The following RNF144A variants were observed in gnomAD, a reference collection of about 807,000 sequenced individuals.
RNF144A encodes E3 ubiquitin-protein ligase RNF144A.
RNF144A carries 11 observed loss-of-function variants against 38.7 expected under a neutral mutation model. The ratio of observed to expected loss-of-function variants is 0.28; its 90% CI spans 0.18 to 0.47. The LOEUF (loss-of-function observed/expected upper bound fraction) is 0.47. Among genes scored for constraint, RNF144A ranks in the 20% least tolerant of loss-of-function variants. The pLI, the probability that RNF144A is intolerant of heterozygous loss-of-function variation, is 0.99. For synonymous variants in RNF144A, 149 were observed against 143.9 expected, an observed-to-expected ratio of 1.04 and a Z score of -0.25; for missense variants, 316 against 377.2, an observed-to-expected ratio of 0.84 and a Z score of 1.34.
At chr2:7,074,883 G>A in the RNF144A span, among the ~76,000 whole-genome samples, 12,288 of 152,228 alleles carry the variant, frequency 0.081, 982 homozygotes, top group East Asian at 0.42. Context: ...TTATTTGAAC[G>A]AGATGGGATT....
At chr2:6,990,316 C>T (rs1277839583) in intron 2 of RNF144A, among the ~76,000 whole-genome samples, 12 of 151,074 alleles carry the variant, frequency 7.9e-5, no homozygotes, top group Non-Finnish European at 1.2e-4. Context: ...TATTGGATTA[C>T]GGTCCCACCC....
At chr2:7,068,416 A>G, downstream of RNF144A, 1 of 419,378 alleles carries the variant, frequency 2.4e-6, no homozygotes, top group Non-Finnish European at 4.5e-6. Context: ...AGAAAGAAGA[A>G]TCAAGAGTGG....
downstream of RNF144A, among the ~76,000 whole-genome samples, chr2:7,068,865 A>T (rs1674344866): frequency 6.6e-6 from 1 of 152,168 alleles, no homozygotes; most frequent in African/African-American, 2.4e-5. Context: ...ATTGTCCCAT[A>T]TGCTGAAGTC....
chr2:7,014,749 A>T lies in RNF144A; in HGVS notation c.278A>T (p.Tyr93Phe), dbSNP rs370574223. Reference sequence around the variant, plus strand: ...GTTGCAGCTGAAATTATGCAAAGATATAAAAAGCTACAATTTGAAAGAGGT... The same window carrying T: ...GTTGCAGCTGAAATTATGCAAAGATTTAAAAAGCTACAATTTGAAAGAGGT... ...CMVAAEIMQRYKKLQFEREVL... is the reference protein window; with the variant it reads ...CMVAAEIMQRFKKLQFEREVL... The change falls in exon 5 of 9, where the codon TAT becomes TTT. Residue 93 changes from tyrosine to phenylalanine, a missense_variant. By Grantham distance (22) the Tyr-to-Phe change is conservative. Coordinates refer to ENST00000320892, the MANE Select transcript of RNF144A (RefSeq NM_014746.6). 15 of 1,613,204 alleles carry T rather than the reference A, an allele frequency of 9.3e-6. No individual in the cohort carries two copies. Among genetic ancestry groups the T allele is most frequent in the Non-Finnish European group, 1.3e-5 (15 of 1,179,316 alleles).
In RNF144A at chr2:7,041,571, T is replaced by C. The variant is rs1183134651; in HGVS notation, c.*1811T>C. ...GTGGTGCTGTGATGGTGTCTACTGT[T>C]AGAATAGCTTTTCTGGAGGTGGGTG... On this transcript the variant is annotated 3_prime_UTR_variant, in exon 9 of 9. Transcript: ENST00000320892. 1.0e-6 allele frequency: 1 copy of C among 985,946 alleles called. No individual in the cohort carries two copies. Among genetic ancestry groups the C allele is most frequent in the East Asian group, 1.1e-4 (1 of 8,830 alleles). The allele number at this position is 985,946 out of a possible 1,614,324, so 61.1% of individuals were successfully genotyped here. A position where few individuals can be genotyped will look rare whatever the true frequency, so the allele number is the denominator to read the frequency against.
rs181070823 is a variant in RNF144A, at chr2:6,943,888, G to A, written c.-12+2741G>A. Among the ~76,000 whole-genome samples, 21 of 152,234 alleles carry A rather than the reference G, an allele frequency of 1.4e-4. No individual in the cohort carries two copies. The highest frequency in any genetic ancestry group is 4.6e-4 in the African/African-American group (19 of 41,530). ...CTCTAGAGAGATGGAGGTGCAGAGC[G>A]GTCACCTGAAGCATTCACAGCCCAC... is the stretch of plus-strand genomic sequence containing the variant. On this transcript the variant is annotated intron_variant, in intron 2 of 8. Coordinates refer to ENST00000320892, the MANE Select transcript of RNF144A (RefSeq NM_014746.6). This position sits in a 1 kb window ranked among gnomAD's most constrained non-coding sequence, Gnocchi z 4.3.
chr2:6,972,876 G>T (rs1211476134), intron 2 of RNF144A, among the ~76,000 whole-genome samples: 1 of 152,152 alleles, frequency 6.6e-6, no homozygotes, highest in Non-Finnish European at 1.5e-5. Flanking sequence ...TAACAGTGGG[G>T]GTAATAGTTA....
At chr2:7,016,357 G>A (rs1039979997) in intron 5 of RNF144A, among the ~76,000 whole-genome samples, 10 of 152,104 alleles carry the variant, frequency 6.6e-5, no homozygotes, top group Admixed American at 6.5e-5. Context: ...ATATTTTCCA[G>A]AGAGAATCTT....
At chr2:7,057,271 T>C (rs2103477070) in intron 6 of RNF144A, among the ~76,000 whole-genome samples, 1 of 152,344 alleles carries the variant, frequency 6.6e-6, no homozygotes, top group South Asian at 2.1e-4. Context: ...CTAAGTAAAG[T>C]CTAGCCCAGC....
intron 2 of RNF144A, among the ~76,000 whole-genome samples, chr2:6,994,076 A>C (rs1039196440): frequency 6.6e-6 from 1 of 152,120 alleles, no homozygotes; most frequent in African/African-American, 2.4e-5. Context: ...CAAGTGGCCA[A>C]AAAAAAGGAA....
chr2:7,036,160 C>T (rs1672664473), intron 8 of RNF144A, among the ~76,000 whole-genome samples: 1 of 152,170 alleles, frequency 6.6e-6, no homozygotes, highest in African/African-American at 2.4e-5. Context: ...CTTTTTCCAG[C>T]GCTATCCCAG....
At chr2:6,922,962 G>A (rs758359850) in intron 1 of RNF144A, among the ~76,000 whole-genome samples, 5 of 152,202 alleles carry the variant, frequency 3.3e-5, no homozygotes, top group African/African-American at 1.2e-4. Flanking sequence ...TCCAGGGTGT[G>A]TCACCTGGCT....
chr2:7,074,987 T>C, the RNF144A span, among the ~76,000 whole-genome samples: 1 of 152,202 alleles, frequency 6.6e-6, no homozygotes, highest in Admixed American at 6.5e-5. Context: ...TTAGTAAAAG[T>C]TTTATTTCTG....
At chr2:7,009,922 T>C (rs1017217034) in intron 3 of RNF144A, among the ~76,000 whole-genome samples, 3 of 152,252 alleles carry the variant, frequency 2.0e-5, no homozygotes, top group Non-Finnish European at 4.4e-5. Flanking sequence ...CTGTGTGTGT[T>C]CTACTCATCT....
chr2:7,005,531 A>G (rs936711692), intron 3 of RNF144A, among the ~76,000 whole-genome samples: 1 of 150,544 alleles, frequency 6.6e-6, no homozygotes, highest in Non-Finnish European at 1.5e-5. Flanking sequence ...CGAAGCTTCC[A>G]ACTGCCAAGC....
chr2:7,051,936 C>T (rs1264760687), intron 6 of RNF144A, among the ~76,000 whole-genome samples: 3 of 152,132 alleles, frequency 2.0e-5, no homozygotes, highest in Non-Finnish European at 2.9e-5. Flanking sequence ...ATCAATGAAT[C>T]CCCCAGTATT....
At chr2:7,028,121 G>C (rs1181963424) in intron 7 of RNF144A, among the ~76,000 whole-genome samples, 1 of 152,206 alleles carries the variant, frequency 6.6e-6, no homozygotes, top group African/African-American at 2.4e-5. Context: ...CGGCCCCAAG[G>C]AGGAGTCAGG....
intron 6 of RNF144A, among the ~76,000 whole-genome samples, chr2:7,064,124 A>G (rs1674096062): frequency 6.6e-6 from 1 of 152,180 alleles, no homozygotes; most frequent in Non-Finnish European, 1.5e-5. Flanking sequence ...TAATTAGTTT[A>G]TGAGGGTTTT....
intron 8 of RNF144A, among the ~76,000 whole-genome samples, chr2:7,035,757 CGT>C (rs1553349409): frequency 6.6e-6 from 1 of 152,168 alleles, no homozygotes; most frequent in Non-Finnish European, 1.5e-5. Flanking sequence ...GGAATTCCAA[CGT>C]GTCTCTTTGA....
Sources: allele counts gnomAD v4.1 joint callset (sites outside exome capture counted in the v4.1 genomes callset), GRCh38; gene constraint gnomAD v4.1.1; non-coding constraint Gnocchi (gnomAD v3.1); transcripts MANE v1.5; gene names NCBI Gene and HGNC (gene_info 2026-07-23, HGNC 2026-07-21).